ARHGAP18: variants seen among roughly 807,000 people sequenced by gnomAD.
The protein encoded by ARHGAP18 is Rho GTPase activating protein 18.
A neutral mutation model predicts 86.2 loss-of-function variants in ARHGAP18; 67 were observed. That is an observed-to-expected ratio of 0.78 (90% CI 0.64 to 0.95). The LOEUF (loss-of-function observed/expected upper bound fraction) is 0.95. Ranked by LOEUF, ARHGAP18 falls within the 40% of genes least tolerant of loss-of-function variation. The pLI, the probability that ARHGAP18 is intolerant of heterozygous loss-of-function variation, is 0.00. For synonymous variants in ARHGAP18, 283 were observed against 280.4 expected (o/e 1.01, Z -0.09); for missense variants, 691 against 780.4 (o/e 0.89, Z 1.37).
chr6:129,682,786 GAC>G (rs1774345992), intron 1 of ARHGAP18, among the ~76,000 whole-genome samples: 1 of 152,140 alleles, frequency 6.6e-6, no homozygotes, highest in Non-Finnish European at 1.5e-5. Flanking sequence ...AGAGTAACTG[GAC>G]ACACAGCTGA....
Position 129,639,025 on chromosome 6 carries a change from T to C in ARHGAP18, c.317-396A>G, listed in dbSNP as rs893463749. Among the ~76,000 whole-genome samples, 29 of 152,196 alleles carry C rather than the reference T, an allele frequency of 1.9e-4. 1 individual carries two copies. Among genetic ancestry groups the C allele is most frequent in the Admixed American group, 3.3e-4 (5 of 15,274 alleles). On this transcript the variant is annotated intron_variant, in intron 2 of 14. Coordinates refer to ENST00000368149, the MANE Select transcript of ARHGAP18 (RefSeq NM_033515.3). The stretch of plus-strand genomic sequence containing the variant: ...TTCTTGGCTTAAATTCAGTACTACC[T>C]CAGAGTCCAACACTAATTTATGGAA...
Position 129,618,862 on chromosome 6 carries a change from A to T in ARHGAP18, c.787-10T>A. Reference sequence around the variant, plus strand: ...TTGGCAATCTGAAACTCTAAAATAAACATCATTAATATAGTAAAAGCTTAC... The same window carrying T: ...TTGGCAATCTGAAACTCTAAAATAATCATCATTAATATAGTAAAAGCTTAC... On this transcript the variant is annotated splice_polypyrimidine_tract_variant and intron_variant, in intron 5 of 14. Coordinates refer to ENST00000368149, the MANE Select transcript of ARHGAP18 (RefSeq NM_033515.3). 1 of 1,610,688 alleles carries T rather than the reference A, an allele frequency of 6.2e-7. No individual in the cohort carries two copies. Among genetic ancestry groups the T allele is most frequent in the Non-Finnish European group, 8.5e-7 (1 of 1,178,876 alleles).
intron 7 of ARHGAP18, among the ~76,000 whole-genome samples, chr6:129,614,066 A>G (rs1381311448): frequency 6.6e-6 from 1 of 152,168 alleles, no homozygotes; most frequent in Admixed American, 6.5e-5. Flanking sequence ...CAATATTTCT[A>G]TTTCCCTCAT....
At chr6:129,616,735 C>T (rs920375412) in intron 6 of ARHGAP18, among the ~76,000 whole-genome samples, 1 of 152,046 alleles carries the variant, frequency 6.6e-6, no homozygotes, top group Non-Finnish European at 1.5e-5. Context: ...ATTGCTTGAG[C>T]CCAGGAGTTC....
chr6:129,691,582 A>T (rs1328843863), intron 1 of ARHGAP18, among the ~76,000 whole-genome samples: 2 of 152,194 alleles, frequency 1.3e-5, no homozygotes, highest in African/African-American at 2.4e-5. Context: ...AAAGTTTTGT[A>T]AGTGACATTC....
intron 1 of ARHGAP18, among the ~76,000 whole-genome samples, chr6:129,657,062 G>T (rs1773853148): frequency 2.0e-5 from 3 of 152,050 alleles, no homozygotes. Flanking sequence ...TTTTTCCATT[G>T]GGCCTTTTTC....
chr6:129,636,847 T>C (rs1773342872), intron 3 of ARHGAP18, among the ~76,000 whole-genome samples: 3 of 152,210 alleles, frequency 2.0e-5, no homozygotes, highest in Admixed American at 6.5e-5. Flanking sequence ...CAAGCCAGAA[T>C]GTAAATCAAC....
At chr6:129,616,113 G>A (rs1050355810) in intron 7 of ARHGAP18, 99 bp downstream of exon 7, 6 of 916,412 alleles carry the variant, frequency 6.5e-6, no homozygotes, top group Admixed American at 2.9e-5. Context: ...AAACATGACA[G>A]TATATGAATT....
chr6:129,603,360 ATGTGTGTATGTG>A (rs1788788321), intron 10 of ARHGAP18, among the ~76,000 whole-genome samples: 1 of 151,990 alleles, frequency 6.6e-6, no homozygotes, highest in Non-Finnish European at 1.5e-5. Context: ...TACATGGTGT[ATGTGTGTATGTG>A]TGTGTGTCTG....
chr6:129,601,333 G>A (rs993515870), intron 10 of ARHGAP18, among the ~76,000 whole-genome samples: 19 of 152,134 alleles, frequency 1.2e-4, no homozygotes, highest in African/African-American at 4.3e-4. Context: ...CAGGCACTGG[G>A]TATGGTGGTG....
intron 1 of ARHGAP18, among the ~76,000 whole-genome samples, chr6:129,667,198 AT>A (rs1210942734): frequency 0.014 from 2,129 of 151,390 alleles, 59 homozygotes; most frequent in African/African-American, 0.048. Context: ...AAAAAAATAT[AT>A]TTTTTTTTCC....
chr6:129,693,104 G>A (rs1774555002), intron 1 of ARHGAP18, among the ~76,000 whole-genome samples: 1 of 152,174 alleles, frequency 6.6e-6, no homozygotes, highest in South Asian at 2.1e-4. Flanking sequence ...AAAAAGAGCT[G>A]TTCATCGGTA....
At chr6:129,608,239 T>C (rs1032895495) in intron 8 of ARHGAP18, among the ~76,000 whole-genome samples, 187 bp from the exon 9 acceptor site, 2 of 151,996 alleles carry the variant, frequency 1.3e-5, no homozygotes, top group Non-Finnish European at 2.9e-5. Context: ...CTAATCCAAA[T>C]GTACTTTACC....
At chr6:129,616,359 T>C in intron 6 of ARHGAP18, 56 bp from the exon 7 acceptor site, 2 of 1,340,600 alleles carry the variant, frequency 1.5e-6, no homozygotes, top group Non-Finnish European at 1.0e-6. Context: ...AATATTAATA[T>C]AAAAATGTTA....
At chr6:129,637,208 G>A (rs1477197482) in intron 3 of ARHGAP18, among the ~76,000 whole-genome samples, 4 of 151,914 alleles carry the variant, frequency 2.6e-5, no homozygotes, top group East Asian at 3.9e-4. Context: ...GGGTCTACAG[G>A]CACATGCCAC....
chr6:129,633,966 T>C (rs982356672), intron 4 of ARHGAP18, 76 bp downstream of exon 4: 3 of 1,268,642 alleles, frequency 2.4e-6, no homozygotes, highest in Non-Finnish European at 3.3e-6. Context: ...TTGAAGGTAA[T>C]GTTTTATAAG....
chr6:129,619,656 A>C, intron 5 of ARHGAP18, among the ~76,000 whole-genome samples: 1 of 139,202 alleles, frequency 7.2e-6, no homozygotes, highest in Non-Finnish European at 1.6e-5. Context: ...GGGAGGGGGA[A>C]ACAGAGGAAG....
intron 1 of ARHGAP18, among the ~76,000 whole-genome samples, chr6:129,649,556 A>C (rs1773659721): frequency 6.8e-6 from 1 of 146,056 alleles, no homozygotes; most frequent in Non-Finnish European, 1.5e-5. Context: ...CTGTCTCCAA[A>C]AAAAAAAAAA....
chr6:129,594,559 G>A (rs546758430), intron 12 of ARHGAP18, among the ~76,000 whole-genome samples: 4 of 152,190 alleles, frequency 2.6e-5, no homozygotes, highest in South Asian at 2.1e-4. Context: ...TCCCAAAGGT[G>A]TGCCTCCAAT....
Sources: gnomAD v4.1 joint callset for allele counts (sites outside exome capture counted in the v4.1 genomes callset) on GRCh38, gnomAD v4.1.1 for gene constraint, MANE v1.5 for transcripts, NCBI Gene and HGNC (gene_info 2026-07-23, HGNC 2026-07-21) for gene names.